Variants in RIT2 observed in about 807,000 individuals in gnomAD.
RIT2 encodes the protein GTP-binding protein Rit2.
In RIT2, 24 loss-of-function variants were observed where a neutral mutation model predicts 23.7. The observed-to-expected ratio is 1.01, with a 90% CI of 0.73 to 1.43. The LOEUF (loss-of-function observed/expected upper bound fraction) is 1.43, where lower values mean the gene tolerates loss of function less well. Ranked by LOEUF, RIT2 falls within the 40% of genes most tolerant of loss-of-function variation. RIT2 has a pLI of 0.00. For synonymous variants in RIT2, 107 were observed against 91.1 expected, an observed-to-expected ratio of 1.17 and a Z score of -0.99; for missense variants, 236 against 266.9, an observed-to-expected ratio of 0.88 and a Z score of 0.81.
chr18:42,744,949 C>G (rs1598637304), intron 4 of RIT2, among the ~76,000 whole-genome samples: 1 of 152,192 alleles, frequency 6.6e-6, no homozygotes, highest in African/African-American at 2.4e-5. Context: ...TGACTGAGGC[C>G]AGGGACCGTG....
chr18:42,869,470 A>T (rs1907560472), intron 4 of RIT2, among the ~76,000 whole-genome samples: 1 of 152,202 alleles, frequency 6.6e-6, no homozygotes, highest in Non-Finnish European at 1.5e-5. Flanking sequence ...TTCTTAGATA[A>T]TAACTGCTCA....
intron 1 of RIT2, among the ~76,000 whole-genome samples, chr18:43,087,434 C>A (rs767485633): frequency 1.3e-5 from 2 of 151,922 alleles, no homozygotes; most frequent in Non-Finnish European, 2.9e-5. Flanking sequence ...AATAGATAAT[C>A]CTGGGAGGCA....
At chr18:42,838,573 G>A (rs1005259008) in intron 4 of RIT2, among the ~76,000 whole-genome samples, 1 of 152,054 alleles carries the variant, frequency 6.6e-6, no homozygotes, top group African/African-American at 2.4e-5. Flanking sequence ...GAAATTCAAG[G>A]AGGTCAAATG....
chr18:42,921,810 G>T (rs561904433), intron 4 of RIT2, among the ~76,000 whole-genome samples: 52 of 152,100 alleles, frequency 3.4e-4, no homozygotes, highest in African/African-American at 1.2e-3. Context: ...GCACATTTAG[G>T]GTGCTTTGTC....
chr18:42,927,659 C>T (rs1909217439), intron 3 of RIT2, among the ~76,000 whole-genome samples: 2 of 151,874 alleles, frequency 1.3e-5, no homozygotes, highest in Non-Finnish European at 2.9e-5. Context: ...GTTAATTATT[C>T]AGGAACATTA....
At chr18:42,773,951 C>T (rs633351) in intron 4 of RIT2, among the ~76,000 whole-genome samples, 98,519 of 151,962 alleles carry the variant, frequency 0.65, 35,874 homozygotes, top group Middle Eastern at 0.83. Flanking sequence ...ACTTGGTTTT[C>T]CTCTAAATTC....
chr18:42,819,399 G>A (rs1048679206), intron 4 of RIT2, among the ~76,000 whole-genome samples: 5 of 151,972 alleles, frequency 3.3e-5, no homozygotes, highest in African/African-American at 1.2e-4. Flanking sequence ...TTAATAAACT[G>A]TTCATTTCCA....
intron 3 of RIT2, among the ~76,000 whole-genome samples, chr18:42,961,225 GT>G (rs1368146361): frequency 2.0e-5 from 3 of 151,920 alleles, no homozygotes; most frequent in Non-Finnish European, 2.9e-5. Flanking sequence ...AACAACTTCA[GT>G]TTTTTTTCTG....
At chr18:42,954,226 A>C (rs1909918282) in intron 3 of RIT2, among the ~76,000 whole-genome samples, 1 of 151,920 alleles carries the variant, frequency 6.6e-6, no homozygotes, top group Admixed American at 6.6e-5. Flanking sequence ...AAAAATACAA[A>C]AATTAGCCTG....
intron 1 of RIT2, among the ~76,000 whole-genome samples, chr18:43,113,041 C>T (rs182811347): frequency 6.6e-6 from 1 of 152,140 alleles, no homozygotes; most frequent in African/African-American, 2.4e-5. Context: ...TATTTTAGAG[C>T]CATGATCATG....
intron 1 of RIT2, among the ~76,000 whole-genome samples, chr18:43,107,323 GTC>G (rs1453269892): frequency 6.6e-6 from 1 of 152,128 alleles, no homozygotes; most frequent in African/African-American, 2.4e-5. Flanking sequence ...TGCCTCACAA[GTC>G]TGTTTATACA....
chr18:42,764,453 C>T (rs931914958), intron 4 of RIT2, among the ~76,000 whole-genome samples: 15 of 152,274 alleles, frequency 9.9e-5, no homozygotes, highest in Non-Finnish European at 1.9e-4. Context: ...ACCCTAGCTA[C>T]GTAAAAGTAC....
intron 4 of RIT2, among the ~76,000 whole-genome samples, chr18:42,824,943 A>T (rs1397334771): frequency 6.6e-6 from 1 of 151,926 alleles, no homozygotes; most frequent in Non-Finnish European, 1.5e-5. Context: ...AGCTGAATTA[A>T]CTTCTATTTT....
chr18:43,057,713 T>G (rs1912538440), intron 1 of RIT2, among the ~76,000 whole-genome samples: 1 of 151,836 alleles, frequency 6.6e-6, no homozygotes, highest in Admixed American at 6.6e-5. Flanking sequence ...TTTTCCATAT[T>G]CCACCCAGGA....
chr18:43,076,318 A>G lies in RIT2; in HGVS notation c.103+39099T>C, dbSNP rs538234255. 2.0e-5 allele frequency among the ~76,000 whole-genome samples: 3 copies of G among 152,342 alleles called. No homozygotes were observed. The East Asian group carries it at 5.8e-4, about 29-fold the overall frequency. On this transcript the variant is annotated intron_variant, in intron 1 of 4. Coordinates refer to ENST00000326695, the MANE Select transcript of RIT2 (RefSeq NM_002930.4). ...GAAATGTTTGTCTACTTAGAGCTGC[A>G]TAACTACAGTATTCTTTCCGTTAAA...
chr18:42,887,937 A>G (rs769199593), intron 4 of RIT2, among the ~76,000 whole-genome samples: 116 of 152,298 alleles, frequency 7.6e-4, no homozygotes, highest in South Asian at 4.1e-4. Flanking sequence ...AATTCTAACT[A>G]TGTAACATTC....
chr18:42,787,671 C>T (rs1052291845), intron 4 of RIT2, among the ~76,000 whole-genome samples: 2 of 152,096 alleles, frequency 1.3e-5, no homozygotes, highest in South Asian at 2.1e-4. Context: ...CAAATTAAAT[C>T]GGCTTATAGG....
chr18:42,813,795 C>T (rs368854186), intron 4 of RIT2, among the ~76,000 whole-genome samples: 1 of 152,128 alleles, frequency 6.6e-6, no homozygotes, highest in Non-Finnish European at 1.5e-5. Flanking sequence ...TGCTGCAGAA[C>T]GACTGTAAAA....
At chr18:42,852,466 G>T (rs933823279) in intron 4 of RIT2, among the ~76,000 whole-genome samples, 1 of 152,212 alleles carries the variant, frequency 6.6e-6, no homozygotes, top group Non-Finnish European at 1.5e-5. Context: ...TTTAGGATGG[G>T]TTAATTAATT....
Sources: allele counts gnomAD v4.1 joint callset (sites outside exome capture counted in the v4.1 genomes callset), GRCh38; gene constraint gnomAD v4.1.1; transcripts MANE v1.5; gene names NCBI Gene and HGNC (gene_info 2026-07-23, HGNC 2026-07-21).